Variants in RTKN2 observed in about 807,000 individuals in gnomAD.
The protein encoded by RTKN2 is rhotekin 2.
A neutral mutation model predicts 71.5 loss-of-function variants in RTKN2; 69 were observed. The ratio of observed to expected loss-of-function variants is 0.96; its 90% CI spans 0.79 to 1.18. The LOEUF is 1.18. RTKN2 is among the 50% of genes most tolerant of loss of function. RTKN2 has a pLI of 0.00. For missense variants in RTKN2, 724 were observed against 719.7 expected (o/e 1.01, Z -0.07); for synonymous variants, 236 against 236.5 (o/e 1.00, Z 0.02).
At chr10:62,260,747 A>G (rs1842758064) in intron 2 of RTKN2, among the ~76,000 whole-genome samples, 2 of 152,220 alleles carry the variant, frequency 1.3e-5, no homozygotes, top group Admixed American at 6.5e-5. Flanking sequence ...AGAAACAGTC[A>G]ATTCATAACT....
In RTKN2 at chr10:62,239,699, A is replaced by G; in HGVS notation, c.437T>C (p.Val146Ala). 1 of 1,584,932 alleles carries G rather than the reference A, an allele frequency of 6.3e-7. No individual in the cohort carries two copies. Among genetic ancestry groups the G allele is most frequent in the Non-Finnish European group, 8.6e-7 (1 of 1,162,448 alleles). Residue 146 changes from valine to alanine, a missense_variant, in exon 5 of 12, where the codon GTG (valine) becomes GCG (alanine). Coordinates refer to ENST00000373789, the MANE Select transcript of RTKN2 (RefSeq NM_145307.4). ...ATCTGTGATTGTTTTATCCACATTC[A>G]CCACATCAGTATCAAACACATTAGC... ...MGANVFDTDVVNVDKTITDIC... is the reference protein window; with the variant it reads ...MGANVFDTDVANVDKTITDIC...
chr10:62,229,395 G>T (rs1372477966), intron 6 of RTKN2, among the ~76,000 whole-genome samples: 1 of 152,128 alleles, frequency 6.6e-6, no homozygotes, highest in Non-Finnish European at 1.5e-5. Context: ...CTGGTGCAAG[G>T]TCATGAAACT....
At chr10:62,207,801 G>A (rs953907245) in intron 9 of RTKN2, among the ~76,000 whole-genome samples, 4 of 152,080 alleles carry the variant, frequency 2.6e-5, no homozygotes, top group African/African-American at 9.7e-5. Context: ...AAAAAGTTTT[G>A]TATTGATAGA....
chr10:62,185,909 T>A lies in RTKN2; in HGVS notation c.862-1522A>T, dbSNP rs1253538504. ...CATGTATTGATTATTTGCTGTTTTC[T>A]TGGAATTTTACGGTTTTATATATAA... On this transcript the variant is annotated intron_variant, in intron 8 of 8. Coordinates refer to the RTKN2 transcript ENST00000315289. Among the ~76,000 whole-genome samples the A allele has an allele frequency of 7.4e-4, 113 of 152,250 alleles. 1 individual carries two copies. The highest frequency in any genetic ancestry group is 1.0e-4 in the Non-Finnish European group (7 of 68,042).
chr10:62,204,704 A>G (rs1281878514), intron 10 of RTKN2, among the ~76,000 whole-genome samples, 153 bp downstream of exon 10: 2 of 152,194 alleles, frequency 1.3e-5, no homozygotes, highest in African/African-American at 4.8e-5. Flanking sequence ...GATTGACAGA[A>G]AGAAGCATCA....
chr10:62,215,970 G>A (rs1232540104), intron 9 of RTKN2, among the ~76,000 whole-genome samples: 4 of 151,806 alleles, frequency 2.6e-5, no homozygotes, highest in African/African-American at 9.7e-5. Context: ...TTATGTCCTT[G>A]ATTTGTCAAA....
At position 62,210,486 on chromosome 10, in the gene RTKN2, T is replaced by C. The variant is rs138214888; in HGVS notation, c.1021-5464A>G. On this transcript the variant is annotated intron_variant, in intron 9 of 11. Transcript: ENST00000373789. ...AAACACAAAAACCAAAGTCAGTCTA[T>C]TATTAATGCCTCTTTCTTGGCTGTA... 1.4e-3 allele frequency among the ~76,000 whole-genome samples: 218 copies of C among 152,302 alleles called. 2 individuals carry two copies. Among genetic ancestry groups the C allele is most frequent in the African/African-American group, 5.1e-3 (211 of 41,574 alleles).
intron 3 of RTKN2, 46 bp downstream of exon 3, chr10:62,245,953 G>A (rs201005593): frequency 1.1e-5 from 14 of 1,222,418 alleles, no homozygotes; most frequent in East Asian, 9.5e-5. Flanking sequence ...ATGTAGTTAC[G>A]TTATAGAATT....
At chr10:62,261,086 C>T (rs968614011) in intron 2 of RTKN2, among the ~76,000 whole-genome samples, 3 of 152,192 alleles carry the variant, frequency 2.0e-5, no homozygotes, top group Non-Finnish European at 4.4e-5. Flanking sequence ...CATGTACTCT[C>T]AGTGCTACAA....
intron 2 of RTKN2, 137 bp downstream of exon 2, chr10:62,262,488 G>A (rs565132316): frequency 3.5e-6 from 2 of 576,036 alleles, no homozygotes; most frequent in South Asian, 5.7e-5. Flanking sequence ...TGTTTATGAT[G>A]TCAGCTGCTA....
At position 62,241,137 on chromosome 10, in the gene RTKN2, C is replaced by T. The variant is rs763885781; in HGVS notation, c.370+5G>A. On this transcript the variant is annotated splice_donor_5th_base_variant and intron_variant, in intron 4 of 11. Coordinates refer to ENST00000373789, the MANE Select transcript of RTKN2 (RefSeq NM_145307.4). ...ATTTCAATTACAAATTAAAATCATA[C>T]ATACGTTCTTTATTGCTGAAGTGAT... 8.7e-6 allele frequency: 13 copies of T among 1,488,626 alleles called. No homozygotes were observed. The allele number at this position is 1,488,626 out of a possible 1,614,324, so 92.2% of individuals were successfully genotyped here. A position where few individuals can be genotyped will look rare whatever the true frequency, so the allele number is the denominator to read the frequency against.
chr10:62,209,415 G>A (rs904210270), intron 9 of RTKN2, among the ~76,000 whole-genome samples: 1 of 152,072 alleles, frequency 6.6e-6, no homozygotes. Context: ...TTGAAGTGGG[G>A]AGTTAGAGGT....
Position 62,195,710 on chromosome 10 carries a change from G to A in RTKN2, c.*2198C>T, listed in dbSNP as rs569062778. On this transcript the variant is annotated 3_prime_UTR_variant, in exon 12 of 12. Coordinates refer to ENST00000373789, the MANE Select transcript of RTKN2 (RefSeq NM_145307.4). ...ATTATAACTACACTCCTTAGGTAAG[G>A]GGTAAATTAGCATTTCAGGAGCTGA... The A allele has an allele frequency of 4.1e-6, 4 of 984,998 alleles. No individual in the cohort carries two copies. In the East Asian group the frequency reaches 4.5e-4, roughly 112 times the overall value. The allele number at this position is 984,998 out of a possible 1,614,324, so 61.0% of individuals were successfully genotyped here. A position where few individuals can be genotyped will look rare whatever the true frequency, so the allele number is the denominator to read the frequency against.
intron 9 of RTKN2, among the ~76,000 whole-genome samples, chr10:62,209,916 C>T (rs1841625562): frequency 6.6e-6 from 1 of 152,128 alleles, no homozygotes. Flanking sequence ...AATGGTGCTG[C>T]AATGAAAATA....
intron 2 of RTKN2, 75 bp downstream of exon 2, chr10:62,262,550 A>T: frequency 9.8e-7 from 1 of 1,020,304 alleles, no homozygotes; most frequent in Non-Finnish European, 1.4e-6. Context: ...ATTGGTACTT[A>T]AGCTTAAATT....
At chr10:62,239,850 A>C in intron 4 of RTKN2, 85 bp from the exon 5 acceptor site, 1 of 696,432 alleles carries the variant, frequency 1.4e-6, no homozygotes, top group Non-Finnish European at 2.5e-6. Flanking sequence ...TATTAGGTTA[A>C]ATATTATTAA....
intron 11 of RTKN2, among the ~76,000 whole-genome samples, chr10:62,199,376 C>G (rs1841394043): frequency 6.6e-6 from 1 of 152,108 alleles, no homozygotes; most frequent in African/African-American, 2.4e-5. Context: ...TCTATCAACA[C>G]TACTTGGAAA....
chr10:62,256,693 C>CGT (rs547450164), intron 2 of RTKN2, among the ~76,000 whole-genome samples: 2,132 of 150,514 alleles, frequency 0.014, 37 homozygotes, highest in South Asian at 0.038. Context: ...TTTGTGTATG[C>CGT]GTGTGTGTGT....
At chr10:62,199,106 C>T (rs1032054441) in intron 11 of RTKN2, among the ~76,000 whole-genome samples, 1 of 152,052 alleles carries the variant, frequency 6.6e-6, no homozygotes, top group African/African-American at 2.4e-5. Flanking sequence ...AATGTGTGAA[C>T]CCAAATGTAT....
Sources: allele counts gnomAD v4.1 joint callset (sites outside exome capture counted in the v4.1 genomes callset), GRCh38; gene constraint gnomAD v4.1.1; transcripts MANE v1.5; gene names NCBI Gene and HGNC (gene_info 2026-07-23, HGNC 2026-07-21).